DAB1: variants seen among roughly 807,000 people sequenced by gnomAD.
DAB1 encodes DAB adaptor protein 1.
Under a neutral mutation model 64.6 loss-of-function variants are expected in DAB1, and 15 were observed. The ratio of observed to expected loss-of-function variants is 0.23; its 90% CI spans 0.16 to 0.36. The LOEUF (loss-of-function observed/expected upper bound fraction) is 0.36, where lower values mean the gene tolerates loss of function less well. Among genes scored for constraint, DAB1 ranks in the 10% least tolerant of loss-of-function variants. The probability of loss-of-function intolerance (pLI) is 1.00; values close to 1 mark genes in which losing one functional copy is unlikely to be tolerated. For synonymous variants in DAB1, 235 were observed against 251.9 expected (o/e 0.93, Z 0.64); for missense variants, 596 against 706.7 (o/e 0.84, Z 1.78).
rs937919340 is a variant in DAB1, at chr1:57,189,861, CA to C, written c.68-44433del. 3.5e-3 allele frequency among the ~76,000 whole-genome samples: 498 copies of C among 143,030 alleles called. 14 individuals carry two copies. The highest frequency in any genetic ancestry group is 5.4e-4 in the Non-Finnish European group (35 of 65,038). The allele number at this position is 143,030 out of a possible 152,430, so 93.8% of individuals were successfully genotyped here. Reference sequence around the variant, plus strand: ...AGGGAAGGGGAAAAAAAAAAAAAAACACAACAGAAAACAACCATAAGGGTCT... The same window carrying C: ...AGGGAAGGGGAAAAAAAAAAAAAAACCAACAGAAAACAACCATAAGGGTCT... On this transcript the variant is annotated intron_variant, in intron 2 of 14. Transcript: ENST00000371236.
At chr1:57,926,527 A>G (rs1252438295) in intron 5 of DAB1, among the ~76,000 whole-genome samples, 1 of 152,168 alleles carries the variant, frequency 6.6e-6, no homozygotes, top group Non-Finnish European at 1.5e-5. Context: ...TCCCTAGCCC[A>G]ACTCTGTGAC....
intron 5 of DAB1, among the ~76,000 whole-genome samples, chr1:58,047,402 G>T (rs935195967): frequency 6.6e-6 from 1 of 152,202 alleles, no homozygotes; most frequent in African/African-American, 2.4e-5. Flanking sequence ...GTGGTGTGAA[G>T]TGTGGCACCA....
chr1:58,434,249 T>C (rs1190386651), intron 3 of DAB1, among the ~76,000 whole-genome samples: 1 of 152,138 alleles, frequency 6.6e-6, no homozygotes, highest in Non-Finnish European at 1.5e-5. Flanking sequence ...TAAGAGGCTA[T>C]TGAAATAATC....
intron 5 of DAB1, among the ~76,000 whole-genome samples, chr1:57,956,867 T>A (rs1421508012): frequency 6.6e-6 from 1 of 152,184 alleles, no homozygotes; most frequent in Non-Finnish European, 1.5e-5. Context: ...TGGGAGGTAT[T>A]GGTGGAGTAG....
chr1:58,456,425 A>G (rs531962434), intron 3 of DAB1, among the ~76,000 whole-genome samples: 8 of 152,192 alleles, frequency 5.3e-5, no homozygotes, highest in Non-Finnish European at 1.2e-4. Context: ...GGTTCTTTGT[A>G]AGGAAAGAAC....
At chr1:57,095,267 G>A (rs1654053446) in intron 4 of DAB1, among the ~76,000 whole-genome samples, 1 of 152,158 alleles carries the variant, frequency 6.6e-6, no homozygotes, top group Non-Finnish European at 1.5e-5. Context: ...CGCCCTTTGT[G>A]TCTTTACACT....
chr1:57,350,906 G>A (rs1009040613), intron 1 of DAB1, among the ~76,000 whole-genome samples: 6 of 152,142 alleles, frequency 3.9e-5, no homozygotes, highest in Non-Finnish European at 7.4e-5. Flanking sequence ...TACTGAGCAC[G>A]CAGTGTTAGG....
At chr1:57,249,530 C>T (rs1453336590) in intron 2 of DAB1, among the ~76,000 whole-genome samples, 1 of 152,132 alleles carries the variant, frequency 6.6e-6, no homozygotes, top group Admixed American at 6.5e-5. Flanking sequence ...TGCCACCACC[C>T]CCAGCTAATT....
chr1:57,796,306 T>A (rs1003238027), intron 6 of DAB1, among the ~76,000 whole-genome samples: 1 of 151,930 alleles, frequency 6.6e-6, no homozygotes, highest in Admixed American at 6.6e-5. Flanking sequence ...GGCAGGCGGA[T>A]CACAAGGTCA....
intron 6 of DAB1, among the ~76,000 whole-genome samples, chr1:57,783,048 T>TTTCTTTCC (rs1650177796): frequency 8.4e-6 from 1 of 118,420 alleles, no homozygotes; most frequent in African/African-American, 3.3e-5. Context: ...TCTTTCTTTC[T>TTTCTTTCC]TTCCTTCCTT....
intron 5 of DAB1, among the ~76,000 whole-genome samples, chr1:58,113,943 G>T (rs1167580651): frequency 6.6e-6 from 1 of 151,966 alleles, no homozygotes; most frequent in Non-Finnish European, 1.5e-5. Flanking sequence ...ACACAAGATT[G>T]CTCTCTTATA....
intron 3 of DAB1, among the ~76,000 whole-genome samples, chr1:57,140,273 C>T (rs1658476892): frequency 6.6e-6 from 1 of 152,158 alleles, no homozygotes; most frequent in Non-Finnish European, 1.5e-5. Flanking sequence ...GCTAGAGGTT[C>T]TCTTACCCAT....
At chr1:57,895,106 G>T (rs972247003) in intron 5 of DAB1, among the ~76,000 whole-genome samples, 1 of 151,954 alleles carries the variant, frequency 6.6e-6, no homozygotes, top group Non-Finnish European at 1.5e-5. Flanking sequence ...GATAGTGAAG[G>T]ACTGGTTTTC....
intron 1 of DAB1, among the ~76,000 whole-genome samples, chr1:57,875,779 C>T (rs1644034809): frequency 6.6e-6 from 1 of 152,114 alleles, no homozygotes; most frequent in South Asian, 2.1e-4. Context: ...TCACGTTGGC[C>T]TGGGATGAAA....
intron 5 of DAB1, among the ~76,000 whole-genome samples, chr1:57,936,917 A>C (rs1217979632): frequency 6.6e-6 from 1 of 152,030 alleles, no homozygotes; most frequent in Non-Finnish European, 1.5e-5. Flanking sequence ...TGCTCCAGCC[A>C]CACTGGCCTC....
At chr1:57,724,368 G>A (rs1377848971) in intron 6 of DAB1, among the ~76,000 whole-genome samples, 1 of 150,450 alleles carries the variant, frequency 6.6e-6, no homozygotes, top group Non-Finnish European at 1.5e-5. Flanking sequence ...GGGAAGGGAG[G>A]GAGGCAAGAA....
chr1:57,539,089 T>G (rs1302324217), intron 7 of DAB1, among the ~76,000 whole-genome samples: 1 of 152,228 alleles, frequency 6.6e-6, no homozygotes, highest in African/African-American at 2.4e-5. Context: ...TTCTCAAATA[T>G]TCAGGGGATG....
chr1:57,371,307 CAT>C (rs1281124734), intron 1 of DAB1, among the ~76,000 whole-genome samples: 9 of 152,200 alleles, frequency 5.9e-5, no homozygotes, highest in Non-Finnish European at 5.9e-5. Context: ...CACAAAAACA[CAT>C]GTCTGATGGC....
chr1:58,522,242 T>C (rs753054284), intron 2 of DAB1, among the ~76,000 whole-genome samples: 18 of 152,268 alleles, frequency 1.2e-4, no homozygotes, highest in South Asian at 2.1e-4. Flanking sequence ...GATGAGTTGA[T>C]CTGTGCAGCA....
Sources: gnomAD v4.1 joint callset for allele counts (sites outside exome capture counted in the v4.1 genomes callset) on GRCh38, gnomAD v4.1.1 for gene constraint, MANE v1.5 for transcripts, NCBI Gene and HGNC (gene_info 2026-07-23, HGNC 2026-07-21) for gene names.